Variants in TANGO6 observed in about 807,000 individuals in gnomAD.
The protein encoded by TANGO6 is transport and golgi organization 6 homolog, also known as transport and Golgi organization protein 6 homolog.
A neutral mutation model predicts 114.2 loss-of-function variants in TANGO6; 90 were observed. That is an observed-to-expected ratio of 0.79 (90% CI 0.66 to 0.94). TANGO6 has a LOEUF of 0.94. Among genes scored for constraint, TANGO6 ranks in the 40% least tolerant of loss-of-function variants. The probability of loss-of-function intolerance (pLI) is 0.00; values close to 1 mark genes in which losing one functional copy is unlikely to be tolerated. For missense variants in TANGO6, 1,274 were observed against 1,315.3 expected, an observed-to-expected ratio of 0.97 and a Z score of 0.49; for synonymous variants, 477 against 509.8, an observed-to-expected ratio of 0.94 and a Z score of 0.87.
chr16:69,041,864 C>T (rs984493540), intron 17 of TANGO6, among the ~76,000 whole-genome samples: 3 of 152,202 alleles, frequency 2.0e-5, no homozygotes, highest in African/African-American at 7.2e-5. Flanking sequence ...TGTTTAGCAG[C>T]TCAGTATCAA....
At chr16:68,906,109 G>T (rs1261809299) in intron 9 of TANGO6, among the ~76,000 whole-genome samples, 1 of 152,038 alleles carries the variant, frequency 6.6e-6, no homozygotes, top group Non-Finnish European at 1.5e-5. Context: ...GAACCCAGGA[G>T]GCGGAGGTTG....
intron 17 of TANGO6, among the ~76,000 whole-genome samples, chr16:69,062,786 TTAAAAAAAA>T (rs1960142447): frequency 9.6e-6 from 1 of 104,166 alleles, no homozygotes; most frequent in African/African-American, 3.3e-5. Flanking sequence ...AAAAAGAAAT[TTAAAAAAAA>T]AAAAAAAAAA....
chr16:69,020,503 A>G (rs1959382928), intron 15 of TANGO6, among the ~76,000 whole-genome samples: 1 of 152,222 alleles, frequency 6.6e-6, no homozygotes, highest in African/African-American at 2.4e-5. Flanking sequence ...ACTTTCAAGG[A>G]GGGCTAATTG....
chr16:68,927,972 G>A lies in TANGO6; in HGVS notation c.2532G>A (p.Leu844=), dbSNP rs1265780640. The A allele has an allele frequency of 3.7e-6, 6 of 1,613,416 alleles. No individual in the cohort carries two copies. The highest frequency in any genetic ancestry group is 5.1e-6 in the Non-Finnish European group (6 of 1,179,728). ...CAGAACAGCTCCAAGAGGTTCTTTTGTCAGCTTATGACCCTCAAATTCCAA... is the reference window on the plus strand; with the variant it reads ...CAGAACAGCTCCAAGAGGTTCTTTTATCAGCTTATGACCCTCAAATTCCAA... ...VTTEQLQEVL[L]SAYDPQIPTR... The change falls in exon 13 of 18, where the codon TTG becomes TTA. Residue 844 remains leucine, a synonymous_variant. Transcript: ENST00000261778.
At chr16:68,915,277 T>C (rs1962986567) in intron 11 of TANGO6, among the ~76,000 whole-genome samples, 1 of 152,124 alleles carries the variant, frequency 6.6e-6, no homozygotes, top group Admixed American at 6.6e-5. Flanking sequence ...TTTGTTACTG[T>C]TGTTAGAGAC....
At chr16:68,980,435 A>ATATTTTT (rs1317961639) in intron 15 of TANGO6, among the ~76,000 whole-genome samples, 42 of 61,766 alleles carry the variant, frequency 6.8e-4, no homozygotes, top group African/African-American at 1.9e-3. Context: ...ATATATATAT[A>ATATTTTT]TTTTTTTTTT....
intron 15 of TANGO6, among the ~76,000 whole-genome samples, chr16:69,002,796 C>A (rs1326368417): frequency 6.6e-6 from 1 of 152,106 alleles, no homozygotes; most frequent in Non-Finnish European, 1.5e-5. Context: ...AATCCCAGCA[C>A]TTTGGGAGGC....
At chr16:69,031,366 G>A (rs1959590050) in intron 16 of TANGO6, among the ~76,000 whole-genome samples, 1 of 152,006 alleles carries the variant, frequency 6.6e-6, no homozygotes, top group Non-Finnish European at 1.5e-5. Flanking sequence ...GAAGAGCAGA[G>A]AAGGATGGTT....
rs372860158 is a variant in TANGO6 at position 68,878,200 on chromosome 16, C to T, written c.1214C>T (p.Ser405Leu). 1.9e-5 allele frequency: 31 copies of T among 1,613,326 alleles called. No homozygotes were observed. In the African/African-American group the frequency reaches 3.3e-4, roughly 17 times the overall value. Reference sequence around the variant, plus strand: ...GCCACCACTACCTTTATAACTTTGTCAAGAGAACGCCCACATTTGGCAGCA... The same window carrying T: ...GCCACCACTACCTTTATAACTTTGTTAAGAGAACGCCCACATTTGGCAGCA... ...RVATTTFITL[S>L]RERPHLAAKY... The change falls in exon 6 of 18, where the codon TCA (serine) becomes TTA (leucine). Residue 405 changes from serine to leucine, a missense_variant. Transcript: ENST00000261778.
chr16:68,898,370 A>G (rs1962735780), intron 7 of TANGO6, among the ~76,000 whole-genome samples: 1 of 152,158 alleles, frequency 6.6e-6, no homozygotes, highest in African/African-American at 2.4e-5. Flanking sequence ...CTGGAAAAGC[A>G]CAGAGATTTT....
chr16:68,901,489 C>A (rs750752714), intron 8 of TANGO6, among the ~76,000 whole-genome samples: 8 of 152,114 alleles, frequency 5.3e-5, no homozygotes, highest in Non-Finnish European at 8.8e-5. Flanking sequence ...CAAAATAACT[C>A]TTGTTTTTGT....
intron 15 of TANGO6, among the ~76,000 whole-genome samples, chr16:69,009,163 T>C (rs1305153762): frequency 7.5e-6 from 1 of 133,548 alleles, no homozygotes; most frequent in Admixed American, 8.3e-5. Flanking sequence ...CTCACTGAAA[T>C]CTCCGCCTCA....
intron 14 of TANGO6, among the ~76,000 whole-genome samples, chr16:68,930,565 T>G (rs1333907772): frequency 6.6e-6 from 1 of 152,140 alleles, no homozygotes; most frequent in African/African-American, 2.4e-5. Context: ...TTCCTCTAAT[T>G]CAAGGAGGTA....
chr16:68,859,792 G>A (rs761015352), intron 1 of TANGO6, 92 bp from the exon 2 acceptor site: 16 of 1,382,814 alleles, frequency 1.2e-5, no homozygotes, highest in Admixed American at 5.7e-5. Flanking sequence ...CCCGGCCTGC[G>A]AGGATGAACT....
chr16:68,911,614 G>A (rs926045395), intron 11 of TANGO6, among the ~76,000 whole-genome samples: 3 of 151,788 alleles, frequency 2.0e-5, no homozygotes, highest in Admixed American at 6.6e-5. Flanking sequence ...ACGGGGTTTC[G>A]CCATGTTGGC....
intron 16 of TANGO6, among the ~76,000 whole-genome samples, chr16:69,030,976 A>G (rs1024521081): frequency 2.6e-5 from 4 of 151,976 alleles, no homozygotes; most frequent in Non-Finnish European, 5.9e-5. Context: ...GAATTGCTTG[A>G]ACCCCGGAGG....
chr16:68,843,788 C>T lies in TANGO6; in HGVS notation c.94+77C>T, dbSNP rs1388424026. On this transcript the variant is annotated intron_variant, in intron 1 of 17. Coordinates refer to ENST00000261778, the MANE Select transcript of TANGO6 (RefSeq NM_024562.2). ...CCGGCTTCCGGGGCTGCCCTGCCTTCCGCAGCGTGCGCCCCTTAGGCCCGC... is the reference window on the plus strand; with the variant it reads ...CCGGCTTCCGGGGCTGCCCTGCCTTTCGCAGCGTGCGCCCCTTAGGCCCGC... The T allele has an allele frequency of 1.2e-5, 17 of 1,451,962 alleles. No homozygotes were observed. The Admixed American group carries it at 2.1e-4, about 18-fold the overall frequency. 89.9% of individuals were successfully genotyped at this position (1,451,962 alleles called of 1,614,324 possible). A position where few individuals can be genotyped will look rare whatever the true frequency, so the allele number is the denominator to read the frequency against.
At chr16:68,971,092 C>G (rs141472253) in intron 14 of TANGO6, among the ~76,000 whole-genome samples, 1 of 148,574 alleles carries the variant, frequency 6.7e-6, no homozygotes, top group Admixed American at 6.8e-5. Flanking sequence ...GTGGAAGTTG[C>G]AGTGAGCCGA....
intron 1 of TANGO6, among the ~76,000 whole-genome samples, chr16:68,859,574 A>G (rs1962055427): frequency 3.3e-5 from 5 of 152,230 alleles, no homozygotes. Flanking sequence ...TGTTCTGGCT[A>G]CAATTTAAGC....
Sources: allele counts gnomAD v4.1 joint callset (sites outside exome capture counted in the v4.1 genomes callset), GRCh38; gene constraint gnomAD v4.1.1; transcripts MANE v1.5; gene names NCBI Gene and HGNC (gene_info 2026-07-23, HGNC 2026-07-21).